The following MNAT1 variants were observed in gnomAD, a reference collection of about 807,000 sequenced individuals.
The protein encoded by MNAT1 is MNAT1 component of CDK activating kinase.
A neutral mutation model predicts 42.0 loss-of-function variants in MNAT1; 43 were observed. That is an observed-to-expected ratio of 1.02 (90% CI 0.80 to 1.32). The LOEUF (loss-of-function observed/expected upper bound fraction) is 1.32, where lower values mean the gene tolerates loss of function less well. Ranked by LOEUF, MNAT1 falls within the 40% of genes most tolerant of loss-of-function variation. MNAT1 has a pLI of 0.00. For synonymous variants in MNAT1, 118 were observed against 120.0 expected (o/e 0.98, Z 0.11); for missense variants, 306 against 350.4 (o/e 0.87, Z 1.01).
intron 1 of MNAT1, among the ~76,000 whole-genome samples, chr14:60,787,983 CAT>C (rs1176439148): frequency 6.6e-6 from 1 of 152,162 alleles, no homozygotes; most frequent in Admixed American, 6.6e-5. Flanking sequence ...ATGAATCACA[CAT>C]GTTCTTAATG....
intron 6 of MNAT1, among the ~76,000 whole-genome samples, chr14:60,873,710 A>G (rs1280416922): frequency 6.7e-6 from 1 of 149,418 alleles, no homozygotes; most frequent in South Asian, 2.1e-4. Context: ...GGCTCAAACT[A>G]TCATCCCACC....
At chr14:60,958,211 A>G (rs1485432237) in intron 7 of MNAT1, among the ~76,000 whole-genome samples, 1 of 152,184 alleles carries the variant, frequency 6.6e-6, no homozygotes, top group Non-Finnish European at 1.5e-5. Context: ...TTGTAACACA[A>G]GTCTAATAGT....
At chr14:60,918,083 T>C (rs2035566375) in intron 7 of MNAT1, among the ~76,000 whole-genome samples, 1 of 151,886 alleles carries the variant, frequency 6.6e-6, no homozygotes, top group Non-Finnish European at 1.5e-5. Context: ...AAAACTTTGA[T>C]GGCTTGTAAT....
chr14:60,764,346 C>G (rs1170952226), intron 1 of MNAT1, among the ~76,000 whole-genome samples: 1 of 152,174 alleles, frequency 6.6e-6, no homozygotes, highest in Non-Finnish European at 1.5e-5. Context: ...CATTTTTCTT[C>G]AGTACATTCT....
At chr14:60,934,532 C>T (rs1411487319) in intron 7 of MNAT1, among the ~76,000 whole-genome samples, 3 of 152,074 alleles carry the variant, frequency 2.0e-5, no homozygotes, top group African/African-American at 7.2e-5. Context: ...ATAAGTCTCA[C>T]GAGATCTGAT....
intron 7 of MNAT1, among the ~76,000 whole-genome samples, chr14:60,958,494 C>G (rs980154107): frequency 2.0e-5 from 3 of 151,934 alleles, no homozygotes; most frequent in African/African-American, 7.3e-5. Flanking sequence ...TTGGTGAAGT[C>G]TTCTCTGGGT....
intron 1 of MNAT1, among the ~76,000 whole-genome samples, chr14:60,762,108 C>T (rs1217474340): frequency 1.3e-5 from 2 of 152,124 alleles, no homozygotes; most frequent in African/African-American, 4.8e-5. Flanking sequence ...TTTCCTATTA[C>T]ATCAATCATC....
chr14:60,824,922 T>C (rs1246272993), intron 6 of MNAT1, among the ~76,000 whole-genome samples: 1 of 152,160 alleles, frequency 6.6e-6, no homozygotes, highest in Non-Finnish European at 1.5e-5. Context: ...TTACTCTCAA[T>C]GTGTGTTAAA....
At chr14:60,773,771 C>T (rs1022654731) in intron 1 of MNAT1, among the ~76,000 whole-genome samples, 3 of 152,168 alleles carry the variant, frequency 2.0e-5, no homozygotes, top group African/African-American at 7.2e-5. Context: ...GTGAGTGAAA[C>T]CTAATGTGTC....
chr14:60,819,569 TGGATATCTCA>T (rs2032817724), intron 6 of MNAT1, among the ~76,000 whole-genome samples: 1 of 152,172 alleles, frequency 6.6e-6, no homozygotes, highest in African/African-American at 2.4e-5. Context: ...TTTGAGGTGA[TGGATATCTCA>T]ATTACCCTGT....
chr14:60,828,689 G>T (rs1291174770), intron 6 of MNAT1, among the ~76,000 whole-genome samples: 2 of 152,106 alleles, frequency 1.3e-5, no homozygotes, highest in African/African-American at 4.8e-5. Context: ...CCACACAACT[G>T]CTCCCAACTT....
chr14:60,924,537 A>C (rs2035727317), intron 7 of MNAT1, among the ~76,000 whole-genome samples: 1 of 152,180 alleles, frequency 6.6e-6, no homozygotes, highest in Non-Finnish European at 1.5e-5. Flanking sequence ...GAGAAATGAA[A>C]TATTTATTCA....
At chr14:60,784,464 C>A (rs952348845) in intron 1 of MNAT1, among the ~76,000 whole-genome samples, 5 of 151,766 alleles carry the variant, frequency 3.3e-5, no homozygotes, top group African/African-American at 1.2e-4. Flanking sequence ...TAGATGTGAG[C>A]CACTACACAA....
At chr14:60,888,348 C>T (rs1244339524) in intron 7 of MNAT1, among the ~76,000 whole-genome samples, 1 of 151,964 alleles carries the variant, frequency 6.6e-6, no homozygotes, top group African/African-American at 2.4e-5. Flanking sequence ...AGACAAAAAC[C>T]ACATGATTAT....
intron 1 of MNAT1, among the ~76,000 whole-genome samples, chr14:60,760,253 A>C (rs2030544775): frequency 6.6e-6 from 1 of 152,006 alleles, no homozygotes; most frequent in Non-Finnish European, 1.5e-5. Flanking sequence ...CCTTTTTAGC[A>C]GGTAATATTT....
intron 5 of MNAT1, among the ~76,000 whole-genome samples, chr14:60,815,149 T>C (rs2032672095): frequency 6.6e-6 from 1 of 151,888 alleles, no homozygotes. Context: ...TTCCATCTAA[T>C]AAAAAAAGTT....
intron 2 of MNAT1, among the ~76,000 whole-genome samples, chr14:60,797,757 C>T (rs1040972270): frequency 6.6e-6 from 1 of 152,048 alleles, no homozygotes; most frequent in African/African-American, 2.4e-5. Context: ...GAAGTCCCAT[C>T]TCTACTAAAT....
chr14:60,903,357 A>G (rs1324444458), intron 7 of MNAT1, among the ~76,000 whole-genome samples: 1 of 152,214 alleles, frequency 6.6e-6, no homozygotes, highest in Non-Finnish European at 1.5e-5. Context: ...AGCGTTTGGG[A>G]AAGGTAGAAT....
intron 1 of MNAT1, among the ~76,000 whole-genome samples, chr14:60,738,298 CA>C (rs1896367610): frequency 7.4e-6 from 1 of 134,884 alleles, no homozygotes; most frequent in African/African-American, 2.8e-5. Context: ...CTCTGTCACA[CA>C]AGCTGGAGTG....
Sources: allele counts gnomAD v4.1 joint callset (sites outside exome capture counted in the v4.1 genomes callset), GRCh38; gene constraint gnomAD v4.1.1; transcripts MANE v1.5; gene names NCBI Gene and HGNC (gene_info 2026-07-23, HGNC 2026-07-21).